The following PLIN5 variants were observed in gnomAD, a reference collection of about 807,000 sequenced individuals.
PLIN5 encodes perilipin 5, also known as perilipin-5.
Under a neutral mutation model 32.8 loss-of-function variants are expected in PLIN5, and 34 were observed. The ratio of observed to expected loss-of-function variants is 1.04; its 90% CI spans 0.79 to 1.38. The LOEUF (loss-of-function observed/expected upper bound fraction) is 1.38. PLIN5 is among the 40% of genes most tolerant of loss of function. The pLI is 0.00. For missense variants in PLIN5, 712 were observed against 660.5 expected, an observed-to-expected ratio of 1.08 and a Z score of -0.85; for synonymous variants, 309 against 292.9, an observed-to-expected ratio of 1.05 and a Z score of -0.56.
At chr19:4,530,214 G>A (rs1976866920) in intron 3 of PLIN5, among the ~76,000 whole-genome samples, 1 of 152,106 alleles carries the variant, frequency 6.6e-6, no homozygotes, top group Admixed American at 6.6e-5. Context: ...TGAGGGTGTG[G>A]GTAGGCCGCT....
Position 4,525,884 on chromosome 19 carries a change from G to A in PLIN5, c.521-52C>T, listed in dbSNP as rs952896534. The A allele has an allele frequency of 1.3e-5, 10 of 775,624 alleles. No homozygotes were observed. The highest frequency in any genetic ancestry group is 6.3e-5 in the African/African-American group (2 of 31,710). The allele number at this position is 775,624 out of a possible 1,614,324, so 48.0% of individuals were successfully genotyped here. A position where few individuals can be genotyped will look rare whatever the true frequency, so the allele number is the denominator to read the frequency against. ...CGGGGACAGGATACGGGGACAGCACGGGGACAGGATACGGGGACAGCACGG... is the reference window on the plus strand; with the variant it reads ...CGGGGACAGGATACGGGGACAGCACAGGGACAGGATACGGGGACAGCACGG... On this transcript the variant is annotated intron_variant, in intron 5 of 7. Coordinates refer to ENST00000381848, the MANE Select transcript of PLIN5 (RefSeq NM_001013706.3). This position sits in a 1 kb window ranked among gnomAD's most constrained non-coding sequence, Gnocchi z 5.6.
At chr19:4,527,236 C>T (rs1027833505) in intron 5 of PLIN5, among the ~76,000 whole-genome samples, 6 of 151,954 alleles carry the variant, frequency 3.9e-5, no homozygotes, top group Admixed American at 6.5e-5. Flanking sequence ...CCACCACGCC[C>T]GGCCAATTTT....
intron 5 of PLIN5, chr19:4,528,595 A>T (rs1256823518): frequency 6.6e-6 from 1 of 152,386 alleles, no homozygotes; most frequent in African/African-American, 2.4e-5. Context: ...TTTTTAGTAG[A>T]GACGGGATTT....
At chr19:4,529,411 C>G in intron 4 of PLIN5, 158 bp from the exon 5 acceptor site, 1 of 764,214 alleles carries the variant, frequency 1.3e-6, no homozygotes, top group Non-Finnish European at 2.1e-6. Context: ...CCTTCCCTCA[C>G]AGAGGGTGTT....
At chr19:4,529,969 A>G (rs1228375417) in intron 3 of PLIN5, 103 bp from the exon 4 acceptor site, 12 of 656,720 alleles carry the variant, frequency 1.8e-5, no homozygotes, top group Non-Finnish European at 3.0e-5. Context: ...AGAAGCAGAG[A>G]CAGAGAAGGA....
At position 4,523,300 on chromosome 19, in the gene PLIN5, T is replaced by G; in HGVS notation, c.*228A>C. Reference sequence around the variant, plus strand: ...TGAAGAACCCAGCTTGTGGCTCAAGTTGGCCTGAATAGGGTTCGAGGCCCT... The same window carrying G: ...TGAAGAACCCAGCTTGTGGCTCAAGGTGGCCTGAATAGGGTTCGAGGCCCT... On this transcript the variant is annotated 3_prime_UTR_variant, in exon 8 of 8. Transcript: ENST00000381848. The surrounding 1 kb of genome is among the most constrained non-coding windows in gnomAD (Gnocchi z 5.0). The G allele has an allele frequency of 4.3e-6, 2 of 466,152 alleles. No homozygotes were observed. The highest frequency in any genetic ancestry group is 7.4e-6 in the Non-Finnish European group (2 of 268,720). 28.9% of individuals were successfully genotyped at this position (466,152 alleles called of 1,614,324 possible).
Position 4,524,326 on chromosome 19 carries a change from C to T in PLIN5, c.835-241G>A, listed in dbSNP as rs149975853. Among the ~76,000 whole-genome samples, 737 of 152,246 alleles carry T rather than the reference C, an allele frequency of 4.8e-3. 5 individuals are homozygous for T. The highest frequency in any genetic ancestry group is 0.017 in the African/African-American group (699 of 41,528). On this transcript the variant is annotated intron_variant, in intron 7 of 7. Transcript: ENST00000381848. The stretch of plus-strand genomic sequence containing the variant: ...CAGCACTTTGGGAGGCCGAGTCGGG[C>T]GGATCACCTGAGGTGCGGAGTTCAA...
At chr19:4,529,512 GTATA>G (rs968459333) in intron 4 of PLIN5, 5 of 488,974 alleles carry the variant, frequency 1.0e-5, no homozygotes, top group East Asian at 6.4e-5. Flanking sequence ...ATATATACAT[GTATA>G]TATACACATA....
In PLIN5 at chr19:4,531,738, T is replaced by C. The variant is rs1976887970; in HGVS notation, c.145A>G (p.Arg49Gly). The change falls in exon 3 of 8, where the codon AGG becomes GGG. Residue 49 changes from arginine to glycine, a missense_variant. Physicochemically the swap from Arg to Gly is moderately radical, Grantham distance 125 (BLOSUM62 -2). Transcript: ENST00000381848. The part of the protein sequence containing the change: ...VCDVYSAAKD[R>G]HPLLGSACRL... ...CAGGCGGAGCCCAGCAGCGGGTGCC[T>C]GTCCTTGGCTGCACTGTAAACATCG... The C allele has an allele frequency of 3.1e-6, 5 of 1,599,712 alleles. No homozygotes were observed. In the South Asian group the frequency reaches 3.4e-5, roughly 11 times the overall value.
At chr19:4,527,868 C>G (rs1976826224) in intron 5 of PLIN5, among the ~76,000 whole-genome samples, 1 of 151,048 alleles carries the variant, frequency 6.6e-6, no homozygotes, top group Non-Finnish European at 1.5e-5. Context: ...AAAAAAAATT[C>G]AGGAGTGCCT....
At position 4,523,651 on chromosome 19, in the gene PLIN5, G is replaced by T. The variant is rs1215198494; in HGVS notation, c.1269C>A (p.His423Gln). Residue 423 changes from histidine (H) to glutamine (Q), a missense_variant, in exon 8 of 8, where the codon CAC (histidine) becomes CAA (glutamine). Physicochemically the swap from His to Gln is conservative, Grantham distance 24. Coordinates refer to ENST00000381848, the MANE Select transcript of PLIN5 (RefSeq NM_001013706.3). This position sits in a 1 kb window ranked among gnomAD's most constrained non-coding sequence, Gnocchi z 5.0. ...CATCCCCATTCCCACTCCCGTCCCT[G>T]TGCTCTGCCTCCCAGGCTCTCTGCT... ...PAQQRAWEAE[H>Q]RDGSGNGDGD... 1.2e-6 allele frequency: 2 copies of T among 1,610,952 alleles called. No homozygotes were observed. Among genetic ancestry groups the T allele is most frequent in the African/African-American group, 2.7e-5 (2 of 74,992 alleles).
At chr19:4,526,502 T>G (rs1380189947) in intron 5 of PLIN5, among the ~76,000 whole-genome samples, 1 of 152,338 alleles carries the variant, frequency 6.6e-6, no homozygotes, top group East Asian at 1.9e-4. Context: ...TTTACAGGTG[T>G]GAGCCATCAT....
intron 3 of PLIN5, 52 bp from the exon 4 acceptor site, chr19:4,529,918 G>C (rs776962537): frequency 1.7e-6 from 2 of 1,197,224 alleles, no homozygotes; most frequent in African/African-American, 3.0e-5. Flanking sequence ...GAGGGAGATA[G>C]GGACGCAGTG....
At chr19:4,531,966 G>T in intron 2 of PLIN5, 144 bp from the exon 3 acceptor site, 1 of 794,538 alleles carries the variant, frequency 1.3e-6, no homozygotes, top group Non-Finnish European at 1.9e-6. Context: ...TAGAGGCAGT[G>T]AAGATAAACG....
rs774231946 is a variant in PLIN5, at chr19:4,525,793, G to C, written c.560C>G (p.Ser187Trp). 4 of 1,613,176 alleles carry C rather than the reference G, an allele frequency of 2.5e-6. No homozygotes were observed. The highest frequency in any genetic ancestry group is 3.4e-6 in the Non-Finnish European group (4 of 1,179,940). Residue 187 changes from serine to tryptophan, a missense_variant, in exon 6 of 8, where the codon TCG becomes TGG. Coordinates refer to ENST00000381848, the MANE Select transcript of PLIN5 (RefSeq NM_001013706.3). This position sits in a 1 kb window ranked among gnomAD's most constrained non-coding sequence, Gnocchi z 5.6. ...AAEAEGPEVG[S>W]VEDQRRQQGY... The stretch of plus-strand genomic sequence containing the variant: ...CTGCTGTCTCCTCTGATCCTCCACC[G>C]AACCCACTTCAGGGCCTTCAGCCTC...
chr19:4,523,877 C>T lies in PLIN5; in HGVS notation c.1043G>A (p.Arg348Gln), dbSNP rs200877814. Reference protein sequence around the residue: ...DVPAAALAEGRGRVAHAHACV... With the variant: ...DVPAAALAEGQGRVAHAHACV... ...GGCGTGCGCGTGGGCCACGCGACCC[C>T]GGCCCTCGGCCAGCGCGGCCGCTGG... The change falls in exon 8 of 8, where the codon CGG (arginine) becomes CAG (glutamine). Residue 348 changes from arginine to glutamine, a missense_variant. By Grantham distance (43) the Arg-to-Gln change is conservative. Transcript: ENST00000381848. This position sits in a 1 kb window ranked among gnomAD's most constrained non-coding sequence, Gnocchi z 5.0. The T allele has an allele frequency of 4.9e-3, 7,457 of 1,518,052 alleles. 17 individuals carry two copies. Among genetic ancestry groups the T allele is most frequent in the Non-Finnish European group, 5.9e-3 (6,795 of 1,144,970 alleles). The allele number at this position is 1,518,052 out of a possible 1,614,324, so 94.0% of individuals were successfully genotyped here.
intron 4 of PLIN5, 165 bp from the exon 5 acceptor site, chr19:4,529,418 T>G: frequency 1.4e-6 from 1 of 718,180 alleles, no homozygotes. Flanking sequence ...TCACAGAGGG[T>G]GTTGAGGGAG....
At position 4,531,733 on chromosome 19, in the gene PLIN5, G is replaced by C. The variant is rs1172056782; in HGVS notation, c.150C>G (p.His50Gln). 1 of 1,597,556 alleles carries C rather than the reference G, an allele frequency of 6.3e-7. No homozygotes were observed. The highest frequency in any genetic ancestry group is 1.3e-5 in the African/African-American group (1 of 74,620). ...GGCGGCAGGCGGAGCCCAGCAGCGG[G>C]TGCCTGTCCTTGGCTGCACTGTAAA... ...CDVYSAAKDR[H>Q]PLLGSACRLA... Residue 50 changes from histidine to glutamine, a missense_variant, in exon 3 of 8, where the codon CAC (histidine) becomes CAG (glutamine). Transcript: ENST00000381848.
chr19:4,530,673 G>GATTTATTTATTT (rs541399121), intron 3 of PLIN5, among the ~76,000 whole-genome samples: 1 of 152,016 alleles, frequency 6.6e-6, no homozygotes, highest in Non-Finnish European at 1.5e-5. Flanking sequence ...CAGGGGATCA[G>GATTTATTTATTT]ATTTATTTAT....
Sources: allele counts gnomAD v4.1 joint callset (sites outside exome capture counted in the v4.1 genomes callset), GRCh38; gene constraint gnomAD v4.1.1; non-coding constraint Gnocchi (gnomAD v3.1); transcripts MANE v1.5; gene names NCBI Gene and HGNC (gene_info 2026-07-23, HGNC 2026-07-21).